NCOA2: variants seen among roughly 807,000 people sequenced by gnomAD.
The protein encoded by NCOA2 is nuclear receptor coactivator 2, also known as class E basic helix-loop-helix protein 75.
NCOA2 carries 21 observed loss-of-function variants against 145.1 expected under a neutral mutation model. The ratio of observed to expected loss-of-function variants is 0.14; its 90% CI spans 0.10 to 0.21. The LOEUF (loss-of-function observed/expected upper bound fraction) is 0.21, where lower values mean the gene tolerates loss of function less well. NCOA2 is among the 10% of genes least tolerant of loss of function. NCOA2 has a pLI of 1.00. For missense variants in NCOA2, 1,472 were observed against 1,837.6 expected (o/e 0.80, Z 3.64); for synonymous variants, 619 against 637.5 (o/e 0.97, Z 0.44).
At chr8:70,213,208 CGTT>C (rs1819236506) in intron 4 of NCOA2, among the ~76,000 whole-genome samples, 1 of 151,308 alleles carries the variant, frequency 6.6e-6, no homozygotes, top group Admixed American at 6.6e-5. Context: ...GGCACCAAAA[CGTT>C]GTTCATACAT....
At chr8:70,160,954 G>A (rs550774746) in intron 9 of NCOA2, among the ~76,000 whole-genome samples, 19 of 152,254 alleles carry the variant, frequency 1.2e-4, no homozygotes, top group Non-Finnish European at 1.9e-4. Context: ...TATTTCCAAT[G>A]GCTTATAATT....
At chr8:70,222,751 C>T (rs1409093913) in intron 2 of NCOA2, among the ~76,000 whole-genome samples, 3 of 152,190 alleles carry the variant, frequency 2.0e-5, no homozygotes, top group African/African-American at 4.8e-5. Flanking sequence ...TATTTTGCTG[C>T]AACATATCCA....
At chr8:70,281,589 C>T (rs914833635) in intron 2 of NCOA2, among the ~76,000 whole-genome samples, 1 of 152,068 alleles carries the variant, frequency 6.6e-6, no homozygotes, top group African/African-American at 2.4e-5. Flanking sequence ...TCATCACCCC[C>T]CACCTCTTTG....
chr8:70,194,676 CTTTT>C (rs199803538), intron 4 of NCOA2, among the ~76,000 whole-genome samples: 4,311 of 109,864 alleles, frequency 0.039, 217 homozygotes, highest in African/African-American at 0.13. Flanking sequence ...CTTTTATCTT[CTTTT>C]TTTTTTTTTT....
upstream of NCOA2, among the ~76,000 whole-genome samples, chr8:70,407,860 C>T (rs1814806458): frequency 6.6e-6 from 1 of 152,116 alleles, no homozygotes; most frequent in Non-Finnish European, 1.5e-5. Context: ...AATGGGCTCC[C>T]TTCAAGTCAT....
chr8:70,363,012 G>A (rs982426440), intron 1 of NCOA2, among the ~76,000 whole-genome samples: 11 of 148,836 alleles, frequency 7.4e-5, no homozygotes, highest in East Asian at 4.0e-4. Flanking sequence ...CGGAGAGGTC[G>A]AGGCTACAGT....
chr8:70,314,602 A>T (rs1342866274), intron 1 of NCOA2, among the ~76,000 whole-genome samples: 2 of 152,242 alleles, frequency 1.3e-5, no homozygotes, highest in East Asian at 3.8e-4. Flanking sequence ...AGGGTTTTGA[A>T]ATGTTTTTTA....
At chr8:70,300,865 G>GTTTCT (rs1035995828) in intron 1 of NCOA2, among the ~76,000 whole-genome samples, 45 of 152,300 alleles carry the variant, frequency 3.0e-4, no homozygotes, top group African/African-American at 1.1e-3. Context: ...AGAGCACTGA[G>GTTTCT]TAGAGAACTT....
chr8:70,284,650 G>A (rs1383144201), intron 2 of NCOA2, among the ~76,000 whole-genome samples: 1 of 152,148 alleles, frequency 6.6e-6, no homozygotes, highest in Non-Finnish European at 1.5e-5. Flanking sequence ...ATTCTTAAGG[G>A]ATGGTATATA....
chr8:70,332,687 AT>A (rs1230693079), intron 1 of NCOA2, among the ~76,000 whole-genome samples: 3 of 152,112 alleles, frequency 2.0e-5, no homozygotes, highest in African/African-American at 7.2e-5. Context: ...ATATCTAATT[AT>A]TTTTTTCCAT....
chr8:70,144,797 TTC>T lies in NCOA2; in HGVS notation c.2655_2656del (p.Asn886PhefsTer4). The T allele has an allele frequency of 6.2e-7, 1 of 1,613,962 alleles. No individual in the cohort carries two copies. The highest frequency in any genetic ancestry group is 8.5e-7 in the Non-Finnish European group (1 of 1,179,856). On this transcript the variant is annotated frameshift_variant, in exon 13 of 23. Coordinates refer to ENST00000452400, the MANE Select transcript of NCOA2 (RefSeq NM_006540.4). LOFTEE classifies it high-confidence loss of function. ...TTGCAATGTGATGTCAAGTGGTAAA[TTC>T]TGGTTTGGCAATAACCTGCCCAGTT...
At chr8:70,337,956 C>T (rs1206534670) in intron 1 of NCOA2, among the ~76,000 whole-genome samples, 2 of 152,022 alleles carry the variant, frequency 1.3e-5, no homozygotes, top group Non-Finnish European at 2.9e-5. Context: ...GATGGAAATT[C>T]GTAGCACTAA....
chr8:70,131,741 C>A (rs1809130375), intron 16 of NCOA2, 96 bp downstream of exon 16: 2 of 1,310,424 alleles, frequency 1.5e-6, no homozygotes. Context: ...ACAATATATT[C>A]TAAAAAGCAG....
intron 1 of NCOA2, among the ~76,000 whole-genome samples, chr8:70,297,788 G>A (rs1827198106): frequency 6.6e-6 from 1 of 152,242 alleles, no homozygotes; most frequent in South Asian, 2.1e-4. Flanking sequence ...TGAACAAAGT[G>A]CTTCGCTGTA....
intron 4 of NCOA2, among the ~76,000 whole-genome samples, chr8:70,186,519 A>C (rs763869306): frequency 1.3e-5 from 2 of 152,194 alleles, no homozygotes. Flanking sequence ...TTCTGCACTA[A>C]GATCATCAGG....
At chr8:70,163,699 T>C (rs978918533) in intron 7 of NCOA2, 133 bp from the exon 8 acceptor site, 6 of 641,438 alleles carry the variant, frequency 9.4e-6, no homozygotes, top group African/African-American at 9.1e-5. Context: ...ACTATGTACC[T>C]GAGCTTCCTA....
chr8:70,114,829 T>C (rs1433489198), intron 22 of NCOA2, among the ~76,000 whole-genome samples: 1 of 152,196 alleles, frequency 6.6e-6, no homozygotes, highest in Non-Finnish European at 1.5e-5. Context: ...TATTTTACCT[T>C]AGCACTCCAA....
chr8:70,135,555 C>G (rs1809636659), intron 15 of NCOA2, among the ~76,000 whole-genome samples: 2 of 152,194 alleles, frequency 1.3e-5, no homozygotes. Flanking sequence ...AGTGATATCA[C>G]TTCCCTTAGA....
chr8:70,405,069 A>G (rs1465280531), upstream of NCOA2, among the ~76,000 whole-genome samples: 4 of 152,176 alleles, frequency 2.6e-5, no homozygotes, highest in African/African-American at 9.7e-5. Flanking sequence ...TTCCGAAGTC[A>G]TTGCCGCTTT....
Sources: gnomAD v4.1 joint callset for allele counts (sites outside exome capture counted in the v4.1 genomes callset) on GRCh38, gnomAD v4.1.1 for gene constraint, MANE v1.5 for transcripts, NCBI Gene and HGNC (gene_info 2026-07-23, HGNC 2026-07-21) for gene names.